THRB: variants seen among roughly 807,000 people sequenced by gnomAD.
THRB encodes thyroid hormone receptor beta.
A neutral mutation model predicts 47.8 loss-of-function variants in THRB; 12 were observed. That is an observed-to-expected ratio of 0.25 (90% CI 0.16 to 0.41). The LOEUF is 0.41. Ranked by LOEUF, THRB falls within the 10% of genes least tolerant of loss-of-function variation. The probability of loss-of-function intolerance (pLI) is 1.00; values close to 1 mark genes in which losing one functional copy is unlikely to be tolerated. For missense variants in THRB, 348 were observed against 589.2 expected (o/e 0.59, Z 4.24); for synonymous variants, 218 against 212.2 (o/e 1.03, Z -0.24).
intron 4 of THRB, among the ~76,000 whole-genome samples, chr3:24,201,538 AG>A (rs1401560096): frequency 2.0e-5 from 3 of 152,168 alleles, no homozygotes; most frequent in African/African-American, 7.2e-5. Flanking sequence ...ATTCTGTTCT[AG>A]GGGCACAGTC....
chr3:24,255,314 G>C (rs2051142880), intron 3 of THRB, among the ~76,000 whole-genome samples: 1 of 152,014 alleles, frequency 6.6e-6, no homozygotes, highest in Non-Finnish European at 1.5e-5. Context: ...TAAGTGCTAG[G>C]CATGCAGTGT....
At chr3:24,252,058 T>G (rs2050721272) in intron 3 of THRB, among the ~76,000 whole-genome samples, 1 of 152,116 alleles carries the variant, frequency 6.6e-6, no homozygotes, top group African/African-American at 2.4e-5. Flanking sequence ...AAAAAAGTAT[T>G]TGATCTCCTT....
intron 5 of THRB, among the ~76,000 whole-genome samples, chr3:24,163,367 T>G (rs1046969581): frequency 1.1e-4 from 17 of 152,160 alleles, no homozygotes; most frequent in Non-Finnish European, 1.9e-4. Context: ...ATGCATCAAA[T>G]TAATTAATAA....
Position 24,297,954 on chromosome 3 carries a change from C to T in THRB, c.-188-583G>A, listed in dbSNP as rs142542119. Among the ~76,000 whole-genome samples, 584 of 151,920 alleles carry T rather than the reference C, an allele frequency of 3.8e-3. 1 individual carries two copies. The highest frequency in any genetic ancestry group is 6.4e-3 in the Non-Finnish European group (433 of 67,916). ...TTTAAAAAATACATATTTCTAGGCC[C>T]CACCCCAGATCTACTCAATCACCAT... On this transcript the variant is annotated intron_variant, in intron 2 of 10. Coordinates refer to ENST00000646209, the MANE Select transcript of THRB (RefSeq NM_001354712.2).
chr3:24,487,253 T>A (rs1164059185), intron 1 of THRB, among the ~76,000 whole-genome samples: 2 of 152,190 alleles, frequency 1.3e-5, no homozygotes, highest in Non-Finnish European at 2.9e-5. Context: ...TTAAAACATA[T>A]GAGCCTGATT....
chr3:24,401,288 C>T (rs2150081007), intron 1 of THRB, among the ~76,000 whole-genome samples: 1 of 151,932 alleles, frequency 6.6e-6, no homozygotes, highest in Middle Eastern at 3.4e-3. Flanking sequence ...TAAATAATAC[C>T]CTGCAGGAGG....
At position 24,119,568 on chromosome 3, in the gene THRB, C is replaced by CT. The variant is rs1215186236; in HGVS notation, c.*3315dup. The CT allele has an allele frequency of 6.6e-6, 1 of 152,398 alleles. No individual in the cohort carries two copies. The highest frequency in any genetic ancestry group is 2.4e-5 in the African/African-American group (1 of 41,432). 9.4% of individuals were successfully genotyped at this position (152,398 alleles called of 1,614,324 possible). ...CGAGGAGGGGCCAGGGCTTGTACCCCTGTTCATGGAGGAGCAACAAGAACG... is the reference window on the plus strand; with the variant it reads ...CGAGGAGGGGCCAGGGCTTGTACCCCTTGTTCATGGAGGAGCAACAAGAACG... On this transcript the variant is annotated 3_prime_UTR_variant, in exon 11 of 11. Coordinates refer to ENST00000646209, the MANE Select transcript of THRB (RefSeq NM_001354712.2).
intron 1 of THRB, among the ~76,000 whole-genome samples, chr3:24,481,567 G>A (rs1696423780): frequency 6.6e-6 from 1 of 151,902 alleles, no homozygotes; most frequent in Admixed American, 6.6e-5. Context: ...ACAAATAAGG[G>A]GTGTGGACAC....
At chr3:24,409,690 G>C (rs1289662006) in intron 1 of THRB, among the ~76,000 whole-genome samples, 1 of 151,828 alleles carries the variant, frequency 6.6e-6, no homozygotes, top group African/African-American at 2.4e-5. Context: ...TTTTTAAAAA[G>C]AGGAGAACAT....
chr3:24,418,763 G>A (rs1044250482), intron 1 of THRB, among the ~76,000 whole-genome samples: 3 of 151,888 alleles, frequency 2.0e-5, no homozygotes, highest in African/African-American at 7.2e-5. Context: ...GAAATCAACA[G>A]AAATATAAAT....
At chr3:24,381,782 G>A (rs1037728206) in intron 1 of THRB, among the ~76,000 whole-genome samples, 2 of 151,816 alleles carry the variant, frequency 1.3e-5, no homozygotes, top group Non-Finnish European at 2.9e-5. Flanking sequence ...AAAAGTCCTG[G>A]TGCTACCCAA....
At chr3:24,375,370 T>G (rs1296735635) in intron 1 of THRB, among the ~76,000 whole-genome samples, 1 of 144,386 alleles carries the variant, frequency 6.9e-6, no homozygotes, top group Non-Finnish European at 1.5e-5. Context: ...ATATTATATT[T>G]AGACATATAA....
At chr3:24,271,516 C>T (rs1378364345) in intron 3 of THRB, among the ~76,000 whole-genome samples, 1 of 152,142 alleles carries the variant, frequency 6.6e-6, no homozygotes, top group East Asian at 1.9e-4. Context: ...ACGAAGCACA[C>T]TGAACTTGAT....
chr3:24,130,058 CT>C (rs1242232583), intron 9 of THRB, among the ~76,000 whole-genome samples: 2 of 152,202 alleles, frequency 1.3e-5, no homozygotes, highest in African/African-American at 4.8e-5. Flanking sequence ...TAATTCACCT[CT>C]TTTGGGTTTG....
intron 1 of THRB, among the ~76,000 whole-genome samples, chr3:24,362,963 C>T (rs1311379002): frequency 2.6e-5 from 4 of 152,118 alleles, no homozygotes; most frequent in Non-Finnish European, 4.4e-5. Flanking sequence ...ATATTGGGTG[C>T]AGCTGGGACT....
At chr3:24,445,012 A>G (rs1200019504) in intron 1 of THRB, among the ~76,000 whole-genome samples, 2 of 152,192 alleles carry the variant, frequency 1.3e-5, no homozygotes, top group Non-Finnish European at 2.9e-5. Context: ...GAAACAGGCT[A>G]TAATACAAAT....
chr3:24,297,029 A>T (rs2056504699), intron 3 of THRB, among the ~76,000 whole-genome samples, 197 bp downstream of exon 3: 1 of 152,246 alleles, frequency 6.6e-6, no homozygotes, highest in African/African-American at 2.4e-5. Context: ...CTACCCGTAT[A>T]GTATGAGAAA....
At chr3:24,307,866 A>G (rs996314684) in intron 2 of THRB, among the ~76,000 whole-genome samples, 28 of 152,322 alleles carry the variant, frequency 1.8e-4, no homozygotes, top group Admixed American at 7.2e-4. Context: ...GGTTGCCTCC[A>G]GGAGTTTCAG....
chr3:24,276,348 T>A (rs1406235152), intron 3 of THRB, among the ~76,000 whole-genome samples: 1 of 152,250 alleles, frequency 6.6e-6, no homozygotes, highest in Non-Finnish European at 1.5e-5. Context: ...TAATCGTGAA[T>A]GCATTCACCA....
Sources: allele counts gnomAD v4.1 joint callset (sites outside exome capture counted in the v4.1 genomes callset), GRCh38; gene constraint gnomAD v4.1.1; transcripts MANE v1.5; gene names NCBI Gene and HGNC (gene_info 2026-07-23, HGNC 2026-07-21).